The following SCAPER variants were observed in gnomAD, a reference collection of about 807,000 sequenced individuals.
The protein encoded by SCAPER is S phase cyclin A-associated protein in the endoplasmic reticulum.
In SCAPER, 98 loss-of-function variants were observed where a neutral mutation model predicts 182.2. The observed-to-expected ratio is 0.54, with a 90% confidence interval of 0.46 to 0.64. SCAPER has a LOEUF of 0.64. Ranked by LOEUF, SCAPER falls within the 30% of genes least tolerant of loss-of-function variation. The probability of loss-of-function intolerance (pLI) is 0.00; values close to 1 mark genes in which losing one functional copy is unlikely to be tolerated. For synonymous variants in SCAPER, 605 were observed against 564.6 expected (o/e 1.07, Z -1.01); for missense variants, 1,432 against 1,690.0 (o/e 0.85, Z 2.68).
At chr15:76,756,146 A>T (rs532400962) in intron 14 of SCAPER, among the ~76,000 whole-genome samples, 1 of 145,350 alleles carries the variant, frequency 6.9e-6, no homozygotes, top group South Asian at 2.3e-4. Context: ...CAAGAGGCTG[A>T]GGCAGGAGAA....
At chr15:76,396,837 C>G (rs1193302347) in intron 27 of SCAPER, among the ~76,000 whole-genome samples, 2 of 152,096 alleles carry the variant, frequency 1.3e-5, no homozygotes, top group African/African-American at 4.8e-5. Context: ...GCTAGGATTT[C>G]TAGTATGATG....
intron 23 of SCAPER, among the ~76,000 whole-genome samples, chr15:76,519,827 T>C (rs1268723486): frequency 6.6e-6 from 1 of 152,226 alleles, no homozygotes; most frequent in Non-Finnish European, 1.5e-5. Flanking sequence ...AAGTGCCTAA[T>C]AAATTTTTAT....
At chr15:76,430,827 G>T (rs918158466) in intron 26 of SCAPER, among the ~76,000 whole-genome samples, 2 of 152,122 alleles carry the variant, frequency 1.3e-5, no homozygotes, top group Non-Finnish European at 2.9e-5. Flanking sequence ...GAAATGTGAG[G>T]ACATGAGATT....
intron 21 of SCAPER, among the ~76,000 whole-genome samples, chr15:76,661,281 T>C (rs758207305): frequency 5.3e-5 from 8 of 152,178 alleles, no homozygotes; most frequent in Admixed American, 6.5e-5. Flanking sequence ...AAAGATTTTA[T>C]GATGAAATCG....
Position 76,667,625 on chromosome 15 carries a change from C to CA in SCAPER, c.2509-1837dup, listed in dbSNP as rs775463270. 2.9e-4 allele frequency among the ~76,000 whole-genome samples: 8 copies of CA among 27,454 alleles called. 2 individuals are homozygous for CA. Among genetic ancestry groups the CA allele is most frequent in the East Asian group, 1.3e-3 (1 of 764 alleles). 18.0% of individuals were successfully genotyped at this position (27,454 alleles called of 152,430 possible). ...GGGCAACAAGAGCGAGACTCAGTCT[C>CA]AAAAAAAAAAAAAAAAAAAAAAAAA... On this transcript the variant is annotated intron_variant, in intron 20 of 31. Transcript: ENST00000563290.
chr15:76,704,594 T>G (rs545648232), intron 18 of SCAPER, among the ~76,000 whole-genome samples: 54 of 152,308 alleles, frequency 3.5e-4, no homozygotes, highest in Admixed American at 1.5e-3. Flanking sequence ...CTTTCCCCAT[T>G]GCTTGTTTTT....
At chr15:76,613,347 G>C (rs1203231680) in intron 22 of SCAPER, among the ~76,000 whole-genome samples, 2 of 152,070 alleles carry the variant, frequency 1.3e-5, no homozygotes, top group East Asian at 1.9e-4. Context: ...AATACCATTT[G>C]GGACACAGGC....
intron 2 of SCAPER, among the ~76,000 whole-genome samples, chr15:76,870,050 CATAAAG>C (rs199962910): frequency 0.014 from 2,200 of 152,028 alleles, 21 homozygotes; most frequent in Non-Finnish European, 0.023. Flanking sequence ...AAGTGGATCT[CATAAAG>C]ATATAGAGTA....
rs747269232 is a variant in SCAPER, at chr15:76,381,489, G to A, written c.3594C>T (p.Asp1198=). 1.2e-6 allele frequency: 2 copies of A among 1,613,700 alleles called. No homozygotes were observed. Among genetic ancestry groups the A allele is most frequent in the South Asian group, 1.1e-5 (1 of 90,990 alleles). ...YCVLFHGTIL[D]PSTASPKENY... is the part of the protein sequence containing the mutation. Reference sequence around the variant, plus strand: ...TCTCCTTGGGACTGGCAGTGCTGGGGTCCAAGATGGTGCCATGGAAGAGGA... The same window carrying A: ...TCTCCTTGGGACTGGCAGTGCTGGGATCCAAGATGGTGCCATGGAAGAGGA... The change falls in exon 28 of 32, where the codon GAC becomes GAT. Residue 1198 remains aspartate (D), a synonymous_variant. Transcript: ENST00000563290.
At chr15:76,632,205 T>G (rs541931790) in intron 21 of SCAPER, among the ~76,000 whole-genome samples, 1 of 152,274 alleles carries the variant, frequency 6.6e-6, no homozygotes, top group Middle Eastern at 3.4e-3. Context: ...TGTTTGTTTG[T>G]TTGAGACAGA....
At chr15:76,833,509 T>C (rs2068681564) in intron 5 of SCAPER, among the ~76,000 whole-genome samples, 1 of 152,130 alleles carries the variant, frequency 6.6e-6, no homozygotes, top group Non-Finnish European at 1.5e-5. Flanking sequence ...ATGCATCACA[T>C]ATCAATATTG....
chr15:76,523,593 C>T (rs1424161018), intron 23 of SCAPER, among the ~76,000 whole-genome samples: 3 of 152,020 alleles, frequency 2.0e-5, no homozygotes, highest in South Asian at 4.1e-4. Flanking sequence ...TTTGGGCATC[C>T]ACCCAATGCC....
intron 25 of SCAPER, among the ~76,000 whole-genome samples, chr15:76,460,850 T>A (rs1477690517): frequency 6.6e-6 from 1 of 152,168 alleles, no homozygotes; most frequent in African/African-American, 2.4e-5. Context: ...ACTTTTAGGC[T>A]TCTCTTAGCT....
chr15:76,619,093 C>A (rs1179306176), intron 22 of SCAPER, among the ~76,000 whole-genome samples: 1 of 152,200 alleles, frequency 6.6e-6, no homozygotes, highest in Non-Finnish European at 1.5e-5. Context: ...GATCCACCTG[C>A]CTCACATTCC....
intron 26 of SCAPER, among the ~76,000 whole-genome samples, chr15:76,420,880 T>C (rs2045985572): frequency 1.3e-5 from 2 of 152,182 alleles, no homozygotes; most frequent in South Asian, 2.1e-4. Context: ...GTTTGGTTTT[T>C]TGTCTTTGCA....
At chr15:76,885,598 C>T (rs947006449) in intron 1 of SCAPER, among the ~76,000 whole-genome samples, 2 of 152,230 alleles carry the variant, frequency 1.3e-5, no homozygotes, top group African/African-American at 4.8e-5. Flanking sequence ...ATCTTCCCAC[C>T]TCAGCCTCCT....
chr15:76,574,168 A>G lies in SCAPER; in HGVS notation c.2828T>C (p.Leu943Pro). The G allele has an allele frequency of 1.2e-6, 2 of 1,603,118 alleles. No homozygotes were observed. The highest frequency in any genetic ancestry group is 1.7e-6 in the Non-Finnish European group (2 of 1,175,488). The part of the protein sequence containing the change: ...DRTLGEITRI[L>P]EKENVADQIA... ...ATATTAGTTACACACCTCTTTTTCC[A>G]GTATTCTAGTGATCTCTCCTAGGGT... The change falls in exon 23 of 32, where the codon CTG (leucine) becomes CCG (proline). Residue 943 changes from leucine (L) to proline (P), a missense_variant. This residue lies in a region of SCAPER where 718 missense variants were observed against 799.7 expected (regional missense o/e 0.90). Transcript: ENST00000563290.
At chr15:76,660,813 A>G (rs2056089637) in intron 21 of SCAPER, among the ~76,000 whole-genome samples, 1 of 152,134 alleles carries the variant, frequency 6.6e-6, no homozygotes, top group Non-Finnish European at 1.5e-5. Flanking sequence ...GTTCATGTAC[A>G]TTAAAAATCT....
intron 21 of SCAPER, among the ~76,000 whole-genome samples, chr15:76,623,166 A>G (rs1430770593): frequency 6.6e-6 from 1 of 152,186 alleles, no homozygotes; most frequent in Non-Finnish European, 1.5e-5. Context: ...TTGGATGCAT[A>G]GTTTGTGAAA....
Sources: gnomAD v4.1 joint callset for allele counts (sites outside exome capture counted in the v4.1 genomes callset) on GRCh38, gnomAD v4.1.1 for gene constraint, gnomAD v4.1.1 regional missense constraint, MANE v1.5 for transcripts, NCBI Gene and HGNC (gene_info 2026-07-23, HGNC 2026-07-21) for gene names.